ROBO1: variants seen among roughly 807,000 people sequenced by gnomAD.
ROBO1 encodes the protein roundabout guidance receptor 1.
Under a neutral mutation model 195.9 loss-of-function variants are expected in ROBO1, and 149 were observed. That is an observed-to-expected ratio of 0.76 (90% CI 0.67 to 0.87). The LOEUF is 0.87. Ranked by LOEUF, ROBO1 falls within the 40% of genes least tolerant of loss-of-function variation. ROBO1 has a pLI of 0.00. For synonymous variants in ROBO1, 816 were observed against 733.2 expected (o/e 1.11, Z -1.82); for missense variants, 1,933 against 2,068.3 (o/e 0.93, Z 1.27).
chr3:78,981,874 GA>G (rs2077002772), intron 3 of ROBO1, among the ~76,000 whole-genome samples: 1 of 151,592 alleles, frequency 6.6e-6, no homozygotes, highest in Non-Finnish European at 1.5e-5. Flanking sequence ...CTGAATCTGA[GA>G]AAAACTTCTT....
intron 3 of ROBO1, among the ~76,000 whole-genome samples, chr3:78,967,524 C>G (rs940147609): frequency 6.6e-6 from 1 of 152,158 alleles, no homozygotes; most frequent in East Asian, 1.9e-4. Flanking sequence ...AAACTGGGCA[C>G]TGAAGTCTTC....
At chr3:78,638,860 G>A (rs567788547) in intron 22 of ROBO1, among the ~76,000 whole-genome samples, 19 of 151,712 alleles carry the variant, frequency 1.3e-4, no homozygotes, top group African/African-American at 4.1e-4. Context: ...GGTGAAGAGC[G>A]AGATTCTATC....
At chr3:78,885,570 G>C (rs1029470815) in intron 4 of ROBO1, among the ~76,000 whole-genome samples, 2 of 151,110 alleles carry the variant, frequency 1.3e-5, no homozygotes, top group African/African-American at 4.9e-5. Flanking sequence ...ACAATAGCAA[G>C]AACACTTGAC....
chr3:78,924,506 A>G (rs1328264466), intron 4 of ROBO1, among the ~76,000 whole-genome samples: 1 of 152,146 alleles, frequency 6.6e-6, no homozygotes, highest in African/African-American at 2.4e-5. Flanking sequence ...AAAAAATAAA[A>G]AATATTTGGA....
intron 2 of ROBO1, among the ~76,000 whole-genome samples, chr3:79,329,477 G>T (rs1352492378): frequency 6.6e-6 from 1 of 152,028 alleles, no homozygotes; most frequent in Non-Finnish European, 1.5e-5. Context: ...ATTTTCAGTT[G>T]GAAATTAATT....
chr3:79,102,035 C>A (rs1379239689), intron 3 of ROBO1, among the ~76,000 whole-genome samples: 2 of 151,632 alleles, frequency 1.3e-5, no homozygotes, highest in African/African-American at 4.8e-5. Flanking sequence ...CACCATTATT[C>A]TTTTTTTAGT....
chr3:79,338,707 TA>T (rs201460254), intron 2 of ROBO1, among the ~76,000 whole-genome samples: 56 of 151,600 alleles, frequency 3.7e-4, no homozygotes, highest in Non-Finnish European at 7.4e-4. Context: ...TCTCAAATTC[TA>T]AAAAAAAACC....
intron 1 of ROBO1, among the ~76,000 whole-genome samples, chr3:79,662,676 T>A (rs973662510): frequency 2.6e-5 from 4 of 152,084 alleles, no homozygotes; most frequent in African/African-American, 9.7e-5. Context: ...CTTGGCTGTC[T>A]TTTTCCCTCT....
At chr3:78,633,486 C>T (rs1204516209) in intron 24 of ROBO1, among the ~76,000 whole-genome samples, 1 of 152,100 alleles carries the variant, frequency 6.6e-6, no homozygotes, top group Non-Finnish European at 1.5e-5. Context: ...AGACAGGCTC[C>T]TATTGTACCT....
At chr3:78,814,383 T>C (rs1246815815) in intron 4 of ROBO1, among the ~76,000 whole-genome samples, 1 of 152,106 alleles carries the variant, frequency 6.6e-6, no homozygotes, top group Non-Finnish European at 1.5e-5. Flanking sequence ...AGATATTTTA[T>C]ACTTTTAAAA....
At chr3:78,925,906 T>A (rs2039188159) in intron 4 of ROBO1, among the ~76,000 whole-genome samples, 1 of 152,000 alleles carries the variant, frequency 6.6e-6, no homozygotes, top group South Asian at 2.1e-4. Flanking sequence ...AGTATCGCTC[T>A]GTTGCCCAGG....
intron 2 of ROBO1, among the ~76,000 whole-genome samples, chr3:79,396,305 T>G (rs1263588752): frequency 6.6e-6 from 1 of 152,112 alleles, no homozygotes; most frequent in Admixed American, 6.5e-5. Context: ...CGATAACTAA[T>G]ATTTTTTCAT....
intron 4 of ROBO1, among the ~76,000 whole-genome samples, chr3:78,858,564 CAAAAA>C (rs554355096): frequency 1.0e-5 from 1 of 96,498 alleles, no homozygotes; most frequent in African/African-American, 3.6e-5. Flanking sequence ...CCCTGTCTAC[CAAAAA>C]AAAAAAAAAA....
At chr3:78,785,632 C>T (rs2108502194) in intron 4 of ROBO1, among the ~76,000 whole-genome samples, 1 of 152,226 alleles carries the variant, frequency 6.6e-6, no homozygotes, top group Middle Eastern at 3.4e-3. Flanking sequence ...TCCTTCCTCA[C>T]TTATTAGTAC....
intron 3 of ROBO1, among the ~76,000 whole-genome samples, chr3:79,051,877 T>C (rs1242321627): frequency 6.6e-6 from 1 of 152,126 alleles, no homozygotes; most frequent in Non-Finnish European, 1.5e-5. Context: ...ACTTTCCTAT[T>C]CCCGTCTTTA....
At chr3:78,952,421 C>A (rs568317661) in intron 3 of ROBO1, among the ~76,000 whole-genome samples, 6 of 151,006 alleles carry the variant, frequency 4.0e-5, no homozygotes, top group Non-Finnish European at 8.9e-5. Context: ...CTTAAAAGAG[C>A]CTTGCTGCTT....
chr3:79,651,655 G>A (rs755333744), intron 1 of ROBO1, among the ~76,000 whole-genome samples: 9 of 152,094 alleles, frequency 5.9e-5, no homozygotes, highest in South Asian at 2.1e-4. Context: ...CCATTGCACT[G>A]CTTCCCTCCA....
At chr3:79,689,329 T>G (rs554723800) in intron 1 of ROBO1, among the ~76,000 whole-genome samples, 1 of 152,158 alleles carries the variant, frequency 6.6e-6, no homozygotes, top group South Asian at 2.1e-4. Context: ...GATGACTTAT[T>G]GAGAAATCTG....
At position 78,839,210 on chromosome 3, in the gene ROBO1, AATATTTG is replaced by A. The variant is rs373049783; in HGVS notation, c.500-92317_500-92311del. Among the ~76,000 whole-genome samples, 435 of 152,222 alleles carry A rather than the reference AATATTTG, an allele frequency of 2.9e-3. 1 individual carries two copies. Among genetic ancestry groups the A allele is most frequent in the Middle Eastern group, 0.014 (4 of 294 alleles). ...TTCAAGACAAAAGTTTGATCGCTAG[AATATTTG>A]ATCACCTGATCCTAAGTTATTTTTT... On this transcript the variant is annotated intron_variant, in intron 4 of 30. Coordinates refer to ENST00000464233, the MANE Select transcript of ROBO1 (RefSeq NM_002941.4).
Sources: gnomAD v4.1 joint callset for allele counts (sites outside exome capture counted in the v4.1 genomes callset) on GRCh38, gnomAD v4.1.1 for gene constraint, MANE v1.5 for transcripts, NCBI Gene and HGNC (gene_info 2026-07-23, HGNC 2026-07-21) for gene names.